Variants in SLC38A3 observed in about 807,000 individuals in gnomAD.
SLC38A3 encodes the protein solute carrier family 38 member 3, also known as sodium-coupled neutral amino acid transporter 3.
A neutral mutation model predicts 59.5 loss-of-function variants in SLC38A3; 17 were observed. The observed-to-expected ratio is 0.29, with a 90% CI of 0.20 to 0.43. The LOEUF (loss-of-function observed/expected upper bound fraction) is 0.43. SLC38A3 is among the 20% of genes least tolerant of loss of function. The pLI is 1.00. For synonymous variants in SLC38A3, 238 were observed against 260.3 expected, an observed-to-expected ratio of 0.91 and a Z score of 0.82; for missense variants, 454 against 653.9, an observed-to-expected ratio of 0.69 and a Z score of 3.33.
rs369545831 is a variant in SLC38A3 at position 50,217,220 on chromosome 3, C to T, written c.549-18C>T. The T allele has an allele frequency of 9.4e-6, 15 of 1,594,656 alleles. No individual in the cohort carries two copies. The African/African-American group carries it at 1.5e-4, about 16-fold the overall frequency. ...CTGAATGGATTCTGACCCTGGCTCCCGACTCATGTCCCTGCAGGGACTGGT... is the reference window on the plus strand; with the variant it reads ...CTGAATGGATTCTGACCCTGGCTCCTGACTCATGTCCCTGCAGGGACTGGT... On this transcript the variant is annotated intron_variant, in intron 7 of 15. Coordinates refer to ENST00000614032, the MANE Select transcript of SLC38A3 (RefSeq NM_006841.6). The surrounding 1 kb of genome is among the most constrained non-coding windows in gnomAD (Gnocchi z 4.9).
In SLC38A3 at chr3:50,218,100, A is replaced by T. The variant is rs1404827806; in HGVS notation, c.935+104A>T. 2.4e-6 allele frequency: 3 copies of T among 1,231,208 alleles called. No homozygotes were observed. The highest frequency in any genetic ancestry group is 3.5e-6 in the Non-Finnish European group (3 of 848,800). 76.3% of individuals were successfully genotyped at this position (1,231,208 alleles called of 1,614,324 possible). A position where few individuals can be genotyped will look rare whatever the true frequency, so the allele number is the denominator to read the frequency against. On this transcript the variant is annotated intron_variant, in intron 11 of 15. Transcript: ENST00000614032. The surrounding 1 kb of genome is among the most constrained non-coding windows in gnomAD (Gnocchi z 5.8). ...AGAGGGGAGTGACAGGAGCCAAGTC[A>T]CTTTATCTGAGATGTCCTTGGCAGC...
rs369474593 is a variant in SLC38A3, at chr3:50,218,673, G to A, written c.1117G>A (p.Val373Met). Reference sequence around the variant, plus strand: ...CCTGATCCTGTGTGTGCGCGTGGCCGTGCTGACAGCAGTCACGCTCACAGT... The same window carrying A: ...CCTGATCCTGTGTGTGCGCGTGGCCATGCTGACAGCAGTCACGCTCACAGT... Reference protein sequence around the residue: ...DVLILCVRVAVLTAVTLTVPI... With the variant: ...DVLILCVRVAMLTAVTLTVPI... Residue 373 changes from valine (V) to methionine (M), a missense_variant, in exon 13 of 16, where the codon GTG becomes ATG. Val to Met is a conservative substitution (Grantham distance 21, BLOSUM62 1). Transcript: ENST00000614032. The surrounding 1 kb of genome is among the most constrained non-coding windows in gnomAD (Gnocchi z 5.8). The A allele has an allele frequency of 2.1e-5, 34 of 1,613,218 alleles. No homozygotes were observed. Among genetic ancestry groups the A allele is most frequent in the Non-Finnish European group, 2.7e-5 (32 of 1,179,424 alleles).
intron 1 of SLC38A3, among the ~76,000 whole-genome samples, chr3:50,212,081 G>A (rs1292091543): frequency 6.6e-6 from 1 of 152,216 alleles, no homozygotes; most frequent in Non-Finnish European, 1.5e-5. Context: ...GATCATGATT[G>A]AGTAATAGCT....
Position 50,218,664 on chromosome 3 carries a change from C to T in SLC38A3, c.1108C>T (p.Arg370Cys), listed in dbSNP as rs1352789248. Reference sequence around the variant, plus strand: ...GTTTGACGTCCTGATCCTGTGTGTGCGCGTGGCCGTGCTGACAGCAGTCAC... The same window carrying T: ...GTTTGACGTCCTGATCCTGTGTGTGTGCGTGGCCGTGCTGACAGCAGTCAC... ...DPFDVLILCV[R>C]VAVLTAVTLT... is the part of the protein sequence containing the mutation. Residue 370 changes from arginine (R) to cysteine (C), a missense_variant, in exon 13 of 16, where the codon CGC (arginine) becomes TGC (cysteine). Physicochemically the swap from Arg to Cys is radical, Grantham distance 180. Around this residue, in one of 3 missense-constraint regions of SLC38A3, gnomAD observed 390 missense variants for 557.9 expected, o/e 0.70. Coordinates refer to ENST00000614032, the MANE Select transcript of SLC38A3 (RefSeq NM_006841.6). This position sits in a 1 kb window ranked among gnomAD's most constrained non-coding sequence, Gnocchi z 5.8. 6 of 1,613,382 alleles carry T rather than the reference C, an allele frequency of 3.7e-6. No homozygotes were observed. The highest frequency in any genetic ancestry group is 1.7e-5 in the Admixed American group (1 of 59,986).
At chr3:50,210,224 A>AG (rs1232727353) in intron 1 of SLC38A3, among the ~76,000 whole-genome samples, 1 of 152,040 alleles carries the variant, frequency 6.6e-6, no homozygotes, top group East Asian at 1.9e-4. Flanking sequence ...CAGACTTAGG[A>AG]GGGGGGCACC....
rs1441772491 is a variant in SLC38A3, at chr3:50,220,839, C to A, written c.*662C>A. On this transcript the variant is annotated 3_prime_UTR_variant, in exon 16 of 16. Coordinates refer to ENST00000614032, the MANE Select transcript of SLC38A3 (RefSeq NM_006841.6). ...CCCCTGCCACAAGCCTGGGCCACAG[C>A]TCACATTCCACTGCTGGGAGAAGAA... is the stretch of plus-strand genomic sequence containing the variant. 6.5e-6 allele frequency: 1 copy of A among 153,726 alleles called. No individual in the cohort carries two copies. The allele number at this position is 153,726 out of a possible 1,614,324, so 9.5% of individuals were successfully genotyped here.
At chr3:50,210,410 G>A (rs1173100269) in intron 1 of SLC38A3, among the ~76,000 whole-genome samples, 2 of 152,180 alleles carry the variant, frequency 1.3e-5, no homozygotes, top group Non-Finnish European at 2.9e-5. Context: ...GCTCCAGAGG[G>A]TCTGTGCCTC....
At position 50,214,803 on chromosome 3, in the gene SLC38A3, G is replaced by A; in HGVS notation, c.299+35G>A. ...CTCAGAGAAACTTCTAAAGATAGGG[G>A]CCCTAAGCAAGCCACCAATCATGAC... On this transcript the variant is annotated intron_variant, in intron 4 of 15. Coordinates refer to ENST00000614032, the MANE Select transcript of SLC38A3 (RefSeq NM_006841.6). The surrounding 1 kb of genome is among the most constrained non-coding windows in gnomAD (Gnocchi z 6.0). The A allele has an allele frequency of 7.1e-7, 1 of 1,405,912 alleles. No individual in the cohort carries two copies. The highest frequency in any genetic ancestry group is 9.9e-7 in the Non-Finnish European group (1 of 1,011,512). The allele number at this position is 1,405,912 out of a possible 1,614,324, so 87.1% of individuals were successfully genotyped here.
intron 1 of SLC38A3, among the ~76,000 whole-genome samples, chr3:50,212,684 G>A (rs181814292): frequency 7.7e-4 from 117 of 152,162 alleles, no homozygotes; most frequent in African/African-American, 2.5e-3. Context: ...CCTCTGACCA[G>A]AGAGGCCAGA....
chr3:50,206,277 C>T (rs1471707794), intron 1 of SLC38A3, among the ~76,000 whole-genome samples: 1 of 152,244 alleles, frequency 6.6e-6, no homozygotes, highest in Non-Finnish European at 1.5e-5. Context: ...CTGAGAAAGG[C>T]TAAGTCAAAG....
chr3:50,206,894 CTGGTTGCTCCTG>C (rs1199907150), intron 1 of SLC38A3, among the ~76,000 whole-genome samples: 1 of 152,250 alleles, frequency 6.6e-6, no homozygotes, highest in Non-Finnish European at 1.5e-5. Flanking sequence ...ATCATGACAA[CTGGTTGCTCCTG>C]TCCTTGTGCC....
Position 50,220,708 on chromosome 3 carries a change from A to C in SLC38A3, c.*531A>C. On this transcript the variant is annotated 3_prime_UTR_variant, in exon 16 of 16. Coordinates refer to ENST00000614032, the MANE Select transcript of SLC38A3 (RefSeq NM_006841.6). ...CCTTCACAGGATGACACCCTCCCAT[A>C]CCCCATAGCTGGGGCCAGCAGGTTC... 1.2e-5 allele frequency: 2 copies of C among 166,168 alleles called. No individual in the cohort carries two copies. Among genetic ancestry groups the C allele is most frequent in the South Asian group, 1.5e-4 (1 of 6,736 alleles). 10.3% of individuals were successfully genotyped at this position (166,168 alleles called of 1,614,324 possible).
chr3:50,210,089 G>T (rs1396724555), intron 1 of SLC38A3, among the ~76,000 whole-genome samples: 1 of 152,212 alleles, frequency 6.6e-6, no homozygotes, highest in Admixed American at 6.5e-5. Context: ...TTGAGAACAT[G>T]CAGTCCAAAT....
At chr3:50,219,039 C>T (rs1056068747) in intron 14 of SLC38A3, 91 bp downstream of exon 14, 4 of 1,486,264 alleles carry the variant, frequency 2.7e-6, no homozygotes, top group Non-Finnish European at 3.7e-6. Context: ...TTACACCCTA[C>T]ATTAAGTGCA....
rs772779262 is a variant in SLC38A3, at chr3:50,218,053, A to G, written c.935+57A>G. On this transcript the variant is annotated intron_variant, in intron 11 of 15. Transcript: ENST00000614032. The surrounding 1 kb of genome is among the most constrained non-coding windows in gnomAD (Gnocchi z 5.8). Reference sequence around the variant, plus strand: ...GATGCCCTGAGCTGGTTTGGGGAGAATGGATGTGGTCCTGAATGTGGAGAG... The same window carrying G: ...GATGCCCTGAGCTGGTTTGGGGAGAGTGGATGTGGTCCTGAATGTGGAGAG... The G allele has an allele frequency of 1.6e-5, 24 of 1,532,366 alleles. No homozygotes were observed. The highest frequency in any genetic ancestry group is 2.2e-5 in the Non-Finnish European group (24 of 1,109,744). The allele number at this position is 1,532,366 out of a possible 1,614,324, so 94.9% of individuals were successfully genotyped here.
chr3:50,206,322 C>A (rs566002876), intron 1 of SLC38A3, among the ~76,000 whole-genome samples: 10 of 152,232 alleles, frequency 6.6e-5, no homozygotes, highest in Non-Finnish European at 1.0e-4. Flanking sequence ...TGGAGGACTT[C>A]CCCACTCATG....
Position 50,215,396 on chromosome 3 carries a change from A to G in SLC38A3, c.310A>G (p.Thr104Ala), listed in dbSNP as rs890302195. ...TGIILFLFLL[T>A]AVALLSSYSI... ...CCCATGTGTCCCCAGGTTCCTGTTG[A>G]CAGCTGTCGCCTTGCTCTCCAGCTA... The change falls in exon 5 of 16, where the codon ACA becomes GCA. Residue 104 changes from threonine (T) to alanine (A), a missense_variant. Thr to Ala is a moderately conservative substitution (Grantham distance 58, BLOSUM62 0). This residue lies in a region of SLC38A3 where 390 missense variants were observed against 557.9 expected (regional missense o/e 0.70). Transcript: ENST00000614032. The surrounding 1 kb of genome is among the most constrained non-coding windows in gnomAD (Gnocchi z 7.1). 1.2e-6 allele frequency: 2 copies of G among 1,613,738 alleles called. No homozygotes were observed. The highest frequency in any genetic ancestry group is 2.7e-5 in the African/African-American group (2 of 74,908).
At position 50,206,483 on chromosome 3, in the gene SLC38A3, G is replaced by A. The variant is rs147622237; in HGVS notation, c.-52+1135G>A. Among the ~76,000 whole-genome samples the A allele has an allele frequency of 7.9e-5, 12 of 152,346 alleles. No individual in the cohort carries two copies. The East Asian group carries it at 1.5e-3, about 20-fold the overall frequency. ...GATGGGGCTCATTTCCTTCTGGAAA[G>A]GAAGCACATCCCTCGGGGCTCTCAG... On this transcript the variant is annotated intron_variant, in intron 1 of 15. Transcript: ENST00000614032.
Position 50,217,811 on chromosome 3 carries a change from A to T in SLC38A3, c.826A>T (p.Thr276Ser), listed in dbSNP as rs1373076432. 1 of 1,613,860 alleles carries T rather than the reference A, an allele frequency of 6.2e-7. No individual in the cohort carries two copies. Among genetic ancestry groups the T allele is most frequent in the Non-Finnish European group, 8.5e-7 (1 of 1,179,898 alleles). Residue 276 changes from threonine to serine, a missense_variant, in exon 10 of 16, where the codon ACT becomes TCT. Coordinates refer to ENST00000614032, the MANE Select transcript of SLC38A3 (RefSeq NM_006841.6). The surrounding 1 kb of genome is among the most constrained non-coding windows in gnomAD (Gnocchi z 4.9). ...QVEPEASAFC[T>S]PSYFTLNSQT... ...CGAGCCTGAGGCTTCAGCCTTCTGC[A>T]CTCCCAGCTACTTCACGCTCAACTC... is the stretch of plus-strand genomic sequence containing the variant.
Sources: gnomAD v4.1 joint callset for allele counts (sites outside exome capture counted in the v4.1 genomes callset) on GRCh38, gnomAD v4.1.1 for gene constraint, gnomAD v4.1.1 regional missense constraint, Gnocchi (gnomAD v3.1) non-coding constraint, MANE v1.5 for transcripts, NCBI Gene and HGNC (gene_info 2026-07-23, HGNC 2026-07-21) for gene names.